Variants in DSG4 observed in about 807,000 individuals in gnomAD.
The protein encoded by DSG4 is desmoglein-4.
A neutral mutation model predicts 93.1 loss-of-function variants in DSG4; 87 were observed. The observed-to-expected ratio is 0.93, with a 90% confidence interval of 0.79 to 1.12. DSG4 has a LOEUF of 1.12. Among genes scored for constraint, DSG4 ranks in the 50% most tolerant of loss-of-function variants. The probability of loss-of-function intolerance (pLI) is 0.00; values close to 1 mark genes in which losing one functional copy is unlikely to be tolerated. For missense variants in DSG4, 1,373 were observed against 1,285.7 expected (o/e 1.07, Z -1.04); for synonymous variants, 432 against 452.9 (o/e 0.95, Z 0.59).
intron 7 of DSG4, among the ~76,000 whole-genome samples, chr18:31,391,769 C>T (rs1001914775): frequency 3.9e-5 from 6 of 151,934 alleles, no homozygotes; most frequent in South Asian, 2.1e-4. Flanking sequence ...CAACAGCAGA[C>T]GTGAGGGGTT....
intron 10 of DSG4, chr18:31,401,657 TA>T (rs1454061323): frequency 6.6e-6 from 1 of 152,200 alleles, no homozygotes. Context: ...AGGATTTGTT[TA>T]TTTATCAATA....
intron 1 of DSG4, among the ~76,000 whole-genome samples, chr18:31,380,017 G>A (rs991578367): frequency 7.9e-5 from 12 of 152,208 alleles, no homozygotes; most frequent in Middle Eastern, 6.8e-3. Flanking sequence ...TGATATAAGT[G>A]GCTAAGGAAT....
intron 1 of DSG4, among the ~76,000 whole-genome samples, chr18:31,378,308 T>C (rs1438556259): frequency 1.3e-5 from 2 of 152,240 alleles, no homozygotes; most frequent in Non-Finnish European, 2.9e-5. Flanking sequence ...GGTCTTCAAT[T>C]GAAATAGTAA....
At chr18:31,389,233 T>A (rs1470949258) in intron 5 of DSG4, among the ~76,000 whole-genome samples, 2 of 152,182 alleles carry the variant, frequency 1.3e-5, no homozygotes. Context: ...GGAAGGTCCC[T>A]ACAGGGATTT....
intron 1 of DSG4, among the ~76,000 whole-genome samples, chr18:31,378,847 A>G (rs1031264544): frequency 6.6e-6 from 1 of 152,156 alleles, no homozygotes; most frequent in Non-Finnish European, 1.5e-5. Context: ...TATTATAGGA[A>G]AGTAGACATG....
chr18:31,387,759 T>C (rs2072203567), intron 3 of DSG4, among the ~76,000 whole-genome samples: 1 of 152,110 alleles, frequency 6.6e-6, no homozygotes, highest in African/African-American at 2.4e-5. Flanking sequence ...CGTTAGTATA[T>C]AGGTGAGATT....
At chr18:31,390,036 A>G (rs1202868918) in intron 5 of DSG4, among the ~76,000 whole-genome samples, 2 of 152,180 alleles carry the variant, frequency 1.3e-5, no homozygotes, top group African/African-American at 4.8e-5. Flanking sequence ...TGTCCTGTAG[A>G]TTGACATCCT....
At chr18:31,403,761 A>ATTCTCATTCAGTTACCTC in intron 11 of DSG4, 127 bp downstream of exon 11, 1 of 834,210 alleles carries the variant, frequency 1.2e-6, no homozygotes. Flanking sequence ...TATTAACATT[A>ATTCTCATTCAGTTACCTC]AATGAAAAAA....
rs773279288 is a variant in DSG4 at position 31,392,244 on chromosome 18, G to T, written c.909G>T (p.Trp303Cys). Residue 303 changes from tryptophan to cysteine, a missense_variant, in exon 8 of 16, where the codon TGG becomes TGT. Trp to Cys is a radical substitution (Grantham distance 215, BLOSUM62 -2). Coordinates refer to ENST00000308128, the MANE Select transcript of DSG4 (RefSeq NM_177986.5). ...TTGATGAAGAAGGCACTGATAACTG[G>T]TTGGCTCAATATTTAATTCTCTCTG... ...IDLDEEGTDNWLAQYLILSGN... is the reference protein window; with the variant it reads ...IDLDEEGTDNCLAQYLILSGN... 2 of 1,613,742 alleles carry T rather than the reference G, an allele frequency of 1.2e-6. No homozygotes were observed. The highest frequency in any genetic ancestry group is 2.2e-5 in the South Asian group (2 of 91,068).
chr18:31,400,835 T>C, intron 9 of DSG4, 46 bp from the exon 10 acceptor site: 1 of 1,598,650 alleles, frequency 6.3e-7, no homozygotes, highest in Non-Finnish European at 8.6e-7. Context: ...TTAAAAGTAC[T>C]AACTTTCATA....
chr18:31,396,354 C>CTTTTTTTT (rs71383035), intron 8 of DSG4, among the ~76,000 whole-genome samples: 2 of 74,008 alleles, frequency 2.7e-5, no homozygotes, highest in Non-Finnish European at 5.3e-5. Context: ...AGGGTCATTG[C>CTTTTTTTT]TTTTTTTTTT....
At chr18:31,395,154 G>A (rs1598742776) in intron 8 of DSG4, among the ~76,000 whole-genome samples, 1 of 151,560 alleles carries the variant, frequency 6.6e-6, no homozygotes, top group African/African-American at 2.4e-5. Context: ...TGCATCATTC[G>A]TAACTTCTGC....
At position 31,376,796 on chromosome 18, in the gene DSG4, GC is replaced by G; in HGVS notation, c.-113del. 1 of 1,079,194 alleles carries G rather than the reference GC, an allele frequency of 9.3e-7. No individual in the cohort carries two copies. The highest frequency in any genetic ancestry group is 1.8e-5 in the Admixed American group (1 of 55,236). 66.9% of individuals were successfully genotyped at this position (1,079,194 alleles called of 1,614,324 possible). ...AGAGATCACCACAGTTATCACCCATGCCCTCCTAAAAGGGTGTCTCAAAGCA... is the reference window on the plus strand; with the variant it reads ...AGAGATCACCACAGTTATCACCCATGCCTCCTAAAAGGGTGTCTCAAAGCA... On this transcript the variant is annotated 5_prime_UTR_variant, in exon 1 of 16. The change abolishes the stop of an existing upstream ORF in the 5' untranslated region. Transcript: ENST00000308128.
At position 31,406,644 on chromosome 18, in the gene DSG4, A is replaced by G. The variant is rs535890333; in HGVS notation, c.1933+271A>G. On this transcript the variant is annotated intron_variant, in intron 12 of 15. Transcript: ENST00000308128. ...CTAAAAGCACAAAACAAATCCCATC[A>G]TGGAAATTTCCTTAAAATGCTTTAA... 5.2e-4 allele frequency among the ~76,000 whole-genome samples: 79 copies of G among 152,352 alleles called. 1 individual carries two copies. In the South Asian group the frequency reaches 5.8e-3, roughly 11 times the overall value.
chr18:31,411,217 T>C lies in DSG4; in HGVS notation c.2138-14T>C, dbSNP rs112743184. 2.6e-5 allele frequency: 42 copies of C among 1,613,960 alleles called. 2 individuals are homozygous for C. The highest frequency in any genetic ancestry group is 3.3e-4 in the Middle Eastern group (2 of 6,084). ...CAACTCCAGCGCTGTTAAACCAACA[T>C]CCTCCCTTTTCAGAAATCTACACCA... On this transcript the variant is annotated splice_polypyrimidine_tract_variant and intron_variant, in intron 14 of 15. Transcript: ENST00000308128.
chr18:31,398,211 G>A (rs76214888), intron 8 of DSG4, among the ~76,000 whole-genome samples: 4,800 of 152,132 alleles, frequency 0.032, 91 homozygotes, highest in Non-Finnish European at 0.047. Flanking sequence ...GGTCTATTAC[G>A]TGGACCAGTG....
At chr18:31,393,192 T>C (rs1002512781) in intron 8 of DSG4, among the ~76,000 whole-genome samples, 1 of 152,178 alleles carries the variant, frequency 6.6e-6, no homozygotes, top group South Asian at 2.1e-4. Context: ...AAAATATATA[T>C]TAAGACATAT....
chr18:31,393,904 AT>A lies in DSG4; in HGVS notation c.1005+1565del, dbSNP rs543443272. On this transcript the variant is annotated intron_variant, in intron 8 of 15. Transcript: ENST00000308128. ...GAGCTGGCCACCAAAATTATGAAAA[AT>A]ATTTATATATAAGATTGTCATCCAA... 6.1e-3 allele frequency among the ~76,000 whole-genome samples: 931 copies of A among 152,320 alleles called. 9 individuals carry two copies. The highest frequency in any genetic ancestry group is 0.021 in the African/African-American group (888 of 41,568).
intron 8 of DSG4, among the ~76,000 whole-genome samples, chr18:31,394,605 T>C (rs1395942438): frequency 6.6e-6 from 1 of 151,584 alleles, no homozygotes. Flanking sequence ...AAGACCACAG[T>C]TATAAAAATT....
Sources: gnomAD v4.1 joint callset for allele counts (sites outside exome capture counted in the v4.1 genomes callset) on GRCh38, gnomAD v4.1.1 for gene constraint, MANE v1.5 for transcripts, NCBI Gene and HGNC (gene_info 2026-07-23, HGNC 2026-07-21) for gene names.